Variants in RABGEF1 observed in about 807,000 individuals in gnomAD.
RABGEF1 encodes rab5 GDP/GTP exchange factor.
In RABGEF1, 26 loss-of-function variants were observed where a neutral mutation model predicts 57.3. The observed-to-expected ratio is 0.45, with a 90% CI of 0.33 to 0.63. The LOEUF (loss-of-function observed/expected upper bound fraction) is 0.63, where lower values mean the gene tolerates loss of function less well. Ranked by LOEUF, RABGEF1 falls within the 20% of genes least tolerant of loss-of-function variation. The pLI is 0.02. For missense variants in RABGEF1, 464 were observed against 607.6 expected (o/e 0.76, Z 2.48); for synonymous variants, 185 against 210.7 (o/e 0.88, Z 1.06).
intron 1 of RABGEF1, among the ~76,000 whole-genome samples, chr7:66,761,309 G>T (rs947939083): frequency 5.3e-5 from 8 of 152,150 alleles, no homozygotes; most frequent in African/African-American, 1.4e-4. Flanking sequence ...TTGCAACTCT[G>T]GGCCTCCAGA....
At chr7:66,805,848 A>G (rs1407804654) in intron 8 of RABGEF1, among the ~76,000 whole-genome samples, 1 of 151,846 alleles carries the variant, frequency 6.6e-6, no homozygotes, top group East Asian at 1.9e-4. Context: ...GGGCTCAAGC[A>G]ATCCTCTCAC....
At chr7:66,725,198 A>G (rs568149965) in intron 2 of RABGEF1, among the ~76,000 whole-genome samples, 3 of 152,280 alleles carry the variant, frequency 2.0e-5, no homozygotes, top group Admixed American at 6.5e-5. Flanking sequence ...AGCTTTATCA[A>G]GATACACTTT....
chr7:66,785,077 T>C (rs1223602435), intron 4 of RABGEF1, among the ~76,000 whole-genome samples: 1 of 152,182 alleles, frequency 6.6e-6, no homozygotes, highest in Non-Finnish European at 1.5e-5. Context: ...TTTTAGAAAA[T>C]TGCTCAACTC....
At chr7:66,728,811 C>T (rs1348485090) in intron 2 of RABGEF1, among the ~76,000 whole-genome samples, 24 of 151,942 alleles carry the variant, frequency 1.6e-4, no homozygotes, top group African/African-American at 4.6e-4. Flanking sequence ...CCTCCACCTT[C>T]ACCTCCATCC....
intron 1 of RABGEF1, among the ~76,000 whole-genome samples, chr7:66,758,058 GT>G (rs1327140485): frequency 6.6e-6 from 1 of 152,042 alleles, no homozygotes; most frequent in Non-Finnish European, 1.5e-5. Context: ...ATACCTTATC[GT>G]TTTACTAGAA....
the RABGEF1 span, among the ~76,000 whole-genome samples, chr7:66,670,894 T>TACACACACACACACAC: frequency 4.8e-3 from 695 of 145,656 alleles, 3 homozygotes; most frequent in Non-Finnish European, 5.5e-3. Context: ...CACATACGTA[T>TACACACACACACACAC]ACACACACAC....
chr7:66,655,375 G>A, the RABGEF1 span, among the ~76,000 whole-genome samples: 9 of 152,304 alleles, frequency 5.9e-5, no homozygotes, highest in East Asian at 3.9e-4. Context: ...CGGGTGACCA[G>A]TCCTTGCGGT....
chr7:66,724,780 AT>A (rs1428328179), intron 2 of RABGEF1, among the ~76,000 whole-genome samples: 2 of 152,210 alleles, frequency 1.3e-5, no homozygotes, highest in African/African-American at 4.8e-5. Context: ...TGGTACTCCA[AT>A]TATATGTGTG....
the RABGEF1 span, among the ~76,000 whole-genome samples, chr7:66,674,951 CTATATATA>C: frequency 1.3e-5 from 2 of 149,034 alleles, no homozygotes; most frequent in South Asian, 2.1e-4. Flanking sequence ...AATTATAAAA[CTATATATA>C]TATATATATA....
intron 2 of RABGEF1, among the ~76,000 whole-genome samples, chr7:66,718,961 G>C (rs139224714): frequency 1.5e-4 from 23 of 152,284 alleles, no homozygotes; most frequent in African/African-American, 5.5e-4. Context: ...TACTTCTTAC[G>C]ACTGCATCTT....
chr7:66,723,169 A>T (rs1562737459), intron 2 of RABGEF1, among the ~76,000 whole-genome samples: 1 of 152,012 alleles, frequency 6.6e-6, no homozygotes, highest in African/African-American at 2.4e-5. Context: ...GGGTTTCACC[A>T]TGTTGGCCAG....
In RABGEF1 at chr7:66,783,727, T is replaced by G. The variant is rs774463861; in HGVS notation, c.399T>G (p.Ile133Met). ...PSPSINRQTS[I>M]ETDRVSKEFI... ...CTTCCATAAACCGGCAAACCAGCAT[T>G]GAAACGGATAGAGTGTCTAAGGAGT... The change falls in exon 4 of 9, where the codon ATT becomes ATG. Residue 133 changes from isoleucine (I) to methionine (M), a missense_variant. Around this residue, in one of 4 missense-constraint regions of RABGEF1, gnomAD observed 284 missense variants for 389.9 expected, o/e 0.73. Transcript: ENST00000284957. The G allele has an allele frequency of 4.3e-6, 7 of 1,612,722 alleles. No individual in the cohort carries two copies. In the East Asian group the frequency reaches 1.3e-4, roughly 31 times the overall value.
rs373230562 is a variant in RABGEF1 at position 66,741,157 on chromosome 7, G to T, written c.-18+365G>T. Among the ~76,000 whole-genome samples the T allele has an allele frequency of 6.6e-5, 10 of 152,162 alleles. No homozygotes were observed. In the East Asian group the frequency reaches 9.6e-4, roughly 15 times the overall value. On this transcript the variant is annotated intron_variant, in intron 1 of 8. Coordinates refer to ENST00000284957, the MANE Select transcript of RABGEF1 (RefSeq NM_014504.3). ...CCGGCTCCCACCTTCCGTCCAGGCC[G>T]CTGGCTCCGAAGCAGCGTCTGTGGT...
intron 1 of RABGEF1, among the ~76,000 whole-genome samples, chr7:66,758,518 C>G (rs750799321): frequency 2.0e-5 from 3 of 152,190 alleles, no homozygotes; most frequent in Non-Finnish European, 4.4e-5. Context: ...GATGTGTGGC[C>G]CCTCGGAGCT....
intron 1 of RABGEF1, among the ~76,000 whole-genome samples, chr7:66,771,052 G>A (rs894484428): frequency 3.3e-5 from 5 of 152,082 alleles, no homozygotes; most frequent in African/African-American, 1.2e-4. Context: ...TAGATATATG[G>A]TTTGCAGATA....
At position 66,798,147 on chromosome 7, in the gene RABGEF1, T is replaced by C. The variant is rs568719918; in HGVS notation, c.728+641T>C. ...AATAACAAGTCAGTAGATGTCCTCT[T>C]TCCTCATTCCTCCCAGGGGTGTGCA... is the stretch of plus-strand genomic sequence containing the variant. On this transcript the variant is annotated intron_variant, in intron 6 of 8. Transcript: ENST00000284957. Among the ~76,000 whole-genome samples the C allele has an allele frequency of 7.6e-4, 116 of 152,238 alleles. 2 individuals carry two copies. The South Asian group carries it at 0.023, about 30-fold the overall frequency.
At chr7:66,679,943 G>C (rs1467336916), upstream of RABGEF1, among the ~76,000 whole-genome samples, 1 of 152,192 alleles carries the variant, frequency 6.6e-6, no homozygotes, top group Admixed American at 6.5e-5. Context: ...TGGGGAGGCT[G>C]AGGCAAAAGG....
At chr7:66,659,596 G>A in the RABGEF1 span, among the ~76,000 whole-genome samples, 3 of 151,984 alleles carry the variant, frequency 2.0e-5, no homozygotes, top group African/African-American at 4.8e-5. Context: ...CCTGGGGAAC[G>A]TAGTGAAACC....
intron 8 of RABGEF1, 139 bp downstream of exon 8, chr7:66,805,535 T>G: frequency 7.7e-6 from 10 of 1,293,094 alleles, no homozygotes; most frequent in Non-Finnish European, 1.1e-5. Flanking sequence ...TCACTTTGCA[T>G]CAGGGAGCAC....
Sources: gnomAD v4.1 joint callset for allele counts (sites outside exome capture counted in the v4.1 genomes callset) on GRCh38, gnomAD v4.1.1 for gene constraint, gnomAD v4.1.1 regional missense constraint, MANE v1.5 for transcripts, NCBI Gene and HGNC (gene_info 2026-07-23, HGNC 2026-07-21) for gene names.